Variants in KAZN observed in about 807,000 individuals in gnomAD.
KAZN encodes kazrin, periplakin interacting protein.
A neutral mutation model predicts 87.4 loss-of-function variants in KAZN; 40 were observed. The ratio of observed to expected loss-of-function variants is 0.46; its 90% CI spans 0.36 to 0.60. The LOEUF is 0.60. Ranked by LOEUF, KAZN falls within the 20% of genes least tolerant of loss-of-function variation. The pLI is 0.00. For synonymous variants in KAZN, 466 were observed against 458.3 expected (o/e 1.02, Z -0.22); for missense variants, 898 against 1,073.9 (o/e 0.84, Z 2.29).
At chr1:14,018,060 G>A (rs559647910) in intron 1 of KAZN, among the ~76,000 whole-genome samples, 3 of 152,230 alleles carry the variant, frequency 2.0e-5, no homozygotes, top group African/African-American at 7.2e-5. Context: ...ATCCCCATTT[G>A]GCAGCTGAGG....
intron 1 of KAZN, among the ~76,000 whole-genome samples, chr1:14,888,093 T>C (rs1654289560): frequency 6.6e-6 from 1 of 152,116 alleles, no homozygotes; most frequent in African/African-American, 2.4e-5. Flanking sequence ...ACTGCTTTAA[T>C]GAGAAAGGGA....
chr1:14,638,269 G>T (rs112850882), intron 1 of KAZN, among the ~76,000 whole-genome samples: 1 of 152,022 alleles, frequency 6.6e-6, no homozygotes, highest in African/African-American at 2.4e-5. Flanking sequence ...GTGCACGTGC[G>T]CAAAAAATAA....
At chr1:14,448,248 A>G (rs1222674954) in intron 2 of KAZN, among the ~76,000 whole-genome samples, 1 of 152,244 alleles carries the variant, frequency 6.6e-6, no homozygotes, top group Non-Finnish European at 1.5e-5. Context: ...ACCATTGGTA[A>G]CTGGCAGAGC....
At chr1:14,585,067 T>G (rs1311289469) in intron 2 of KAZN, among the ~76,000 whole-genome samples, 1 of 152,144 alleles carries the variant, frequency 6.6e-6, no homozygotes, top group Non-Finnish European at 1.5e-5. Flanking sequence ...CAAAGGAATG[T>G]GCATGGGAGG....
chr1:14,134,304 T>C (rs1645058144), intron 1 of KAZN, among the ~76,000 whole-genome samples: 1 of 152,156 alleles, frequency 6.6e-6, no homozygotes, highest in Non-Finnish European at 1.5e-5. Flanking sequence ...GATCAGTAGC[T>C]CCAAGAAGAC....
chr1:14,557,692 A>T (rs1314044188), intron 2 of KAZN, among the ~76,000 whole-genome samples: 4 of 150,354 alleles, frequency 2.7e-5, no homozygotes, highest in Non-Finnish European at 5.9e-5. Flanking sequence ...AGAGAGAGAG[A>T]GAGATTTGTT....
At chr1:14,207,073 C>T (rs1255582335) in intron 2 of KAZN, among the ~76,000 whole-genome samples, 2 of 151,640 alleles carry the variant, frequency 1.3e-5, no homozygotes, top group African/African-American at 4.8e-5. Context: ...AAGTGATTCT[C>T]CTGCCTCAGC....
intron 2 of KAZN, among the ~76,000 whole-genome samples, chr1:14,269,946 C>A (rs568239699): frequency 2.0e-5 from 3 of 152,054 alleles, no homozygotes; most frequent in African/African-American, 7.2e-5. Context: ...CCAGGTAGTT[C>A]CTAAAGAAAA....
intron 1 of KAZN, among the ~76,000 whole-genome samples, chr1:14,722,900 AG>A (rs1475311282): frequency 3.3e-5 from 5 of 152,092 alleles, no homozygotes; most frequent in African/African-American, 1.2e-4. Flanking sequence ...CTGAGGTGGG[AG>A]GGTCATTTGA....
At chr1:14,069,363 G>A (rs753399207) in intron 1 of KAZN, among the ~76,000 whole-genome samples, 4 of 152,176 alleles carry the variant, frequency 2.6e-5, no homozygotes, top group Non-Finnish European at 4.4e-5. Context: ...ACACAACCGC[G>A]ATTATCAAGT....
At chr1:15,035,125 T>C (rs1356805742) in intron 3 of KAZN, among the ~76,000 whole-genome samples, 1 of 152,062 alleles carries the variant, frequency 6.6e-6, no homozygotes, top group African/African-American at 2.4e-5. Context: ...GTTCAGATCC[T>C]GGCTCCTTGT....
chr1:14,082,933 C>G (rs546424990), intron 1 of KAZN, among the ~76,000 whole-genome samples: 1 of 152,176 alleles, frequency 6.6e-6, no homozygotes, highest in Non-Finnish European at 1.5e-5. Context: ...TGGTGGCTCA[C>G]GCCTGTAATC....
intron 1 of KAZN, among the ~76,000 whole-genome samples, chr1:13,956,154 A>G (rs1221151488): frequency 6.6e-6 from 1 of 152,162 alleles, no homozygotes; most frequent in Non-Finnish European, 1.5e-5. Flanking sequence ...AATTTTCTCT[A>G]AATCATTATT....
At position 15,094,527 on chromosome 1, in the gene KAZN, G is replaced by A. The variant is rs1421653346; in HGVS notation, c.1428+142G>A. 24 of 784,596 alleles carry A rather than the reference G, an allele frequency of 3.1e-5. No individual in the cohort carries two copies. The highest frequency in any genetic ancestry group is 2.7e-4 in the Admixed American group (11 of 40,598). 48.6% of individuals were successfully genotyped at this position (784,596 alleles called of 1,614,324 possible). On this transcript the variant is annotated intron_variant, in intron 9 of 14. Transcript: ENST00000376030. The surrounding 1 kb of genome is among the most constrained non-coding windows in gnomAD (Gnocchi z 4.5). ...GAGCTAGCCAATGCAATCAGCCTCTGATGTACCTGCTCATTGTGCCTCCCT... is the reference window on the plus strand; with the variant it reads ...GAGCTAGCCAATGCAATCAGCCTCTAATGTACCTGCTCATTGTGCCTCCCT...
chr1:14,374,914 C>T (rs1231126120), intron 2 of KAZN, among the ~76,000 whole-genome samples: 1 of 152,168 alleles, frequency 6.6e-6, no homozygotes, highest in Admixed American at 6.5e-5. Flanking sequence ...AGAGCGATCA[C>T]ACAAGTCCTA....
intron 1 of KAZN, among the ~76,000 whole-genome samples, chr1:14,166,610 T>TGTTAA (rs80083297): frequency 6.6e-6 from 1 of 151,652 alleles, no homozygotes; most frequent in African/African-American, 2.4e-5. Context: ...TTGGTACTAT[T>TGTTAA]GTGTTACTAT....
Position 14,021,916 on chromosome 1 carries a change from A to C in KAZN, c.91+128160A>C, listed in dbSNP as rs1308280236. ...CAGGAAATGATTTTCTCTGGGATCAATATTCTCCAAGAGGAAATGGGATGT... is the reference window on the plus strand; with the variant it reads ...CAGGAAATGATTTTCTCTGGGATCACTATTCTCCAAGAGGAAATGGGATGT... On this transcript the variant is annotated intron_variant, in intron 1 of 16. Coordinates refer to the KAZN transcript ENST00000636203. 2.0e-5 allele frequency among the ~76,000 whole-genome samples: 3 copies of C among 148,998 alleles called. No homozygotes were observed. The East Asian group carries it at 6.0e-4, about 30-fold the overall frequency.
intron 2 of KAZN, among the ~76,000 whole-genome samples, chr1:14,480,484 G>A (rs1056604689): frequency 2.0e-5 from 3 of 151,280 alleles, no homozygotes; most frequent in South Asian, 2.1e-4. Context: ...TATAAGGGAC[G>A]AGAGTTCTAA....
intron 1 of KAZN, among the ~76,000 whole-genome samples, chr1:14,089,575 T>G (rs1643928134): frequency 6.6e-6 from 1 of 152,190 alleles, no homozygotes; most frequent in African/African-American, 2.4e-5. Flanking sequence ...TCCTCCCTAC[T>G]ATGCCTTATG....
Sources: allele counts gnomAD v4.1 joint callset (sites outside exome capture counted in the v4.1 genomes callset), GRCh38; gene constraint gnomAD v4.1.1; non-coding constraint Gnocchi (gnomAD v3.1); transcripts MANE v1.5; gene names NCBI Gene and HGNC (gene_info 2026-07-23, HGNC 2026-07-21).